Variants in PAXIP1 observed in about 807,000 individuals in gnomAD.
PAXIP1 encodes the protein PAX-interacting protein 1.
Under a neutral mutation model 140.6 loss-of-function variants are expected in PAXIP1, and 19 were observed. That is an observed-to-expected ratio of 0.14 (90% CI 0.09 to 0.20). The LOEUF is 0.20. PAXIP1 is among the 10% of genes least tolerant of loss of function. The pLI is 1.00. For synonymous variants in PAXIP1, 442 were observed against 444.6 expected, an observed-to-expected ratio of 0.99 and a Z score of 0.07; for missense variants, 920 against 1,208.6, an observed-to-expected ratio of 0.76 and a Z score of 3.54.
chr7:154,997,768 G>A (rs765350903), intron 2 of PAXIP1, among the ~76,000 whole-genome samples: 9 of 152,082 alleles, frequency 5.9e-5, no homozygotes, highest in Non-Finnish European at 1.0e-4. Context: ...CACCCCAGAC[G>A]ACCAGTGGGT....
At chr7:154,976,650 A>G (rs185555881) in intron 5 of PAXIP1, among the ~76,000 whole-genome samples, 4 of 152,368 alleles carry the variant, frequency 2.6e-5, no homozygotes, top group East Asian at 1.9e-4. Context: ...GAAAATTATG[A>G]AATGAATAAT....
chr7:154,947,861 T>C (rs1168212343), intron 17 of PAXIP1, 42 bp downstream of exon 17: 1 of 1,380,390 alleles, frequency 7.2e-7, no homozygotes. Context: ...GGTCCGTGTG[T>C]TATGCTTACT....
intron 2 of PAXIP1, among the ~76,000 whole-genome samples, chr7:154,997,320 A>ATAG (rs1810682603): frequency 1.3e-5 from 2 of 152,172 alleles, no homozygotes; most frequent in African/African-American, 4.8e-5. Flanking sequence ...AGGTGTGATC[A>ATAG]CAGTGCATGG....
chr7:154,950,646 T>G (rs896659071), intron 16 of PAXIP1: 2 of 152,166 alleles, frequency 1.3e-5, no homozygotes, highest in Non-Finnish European at 2.9e-5. Context: ...CCAAAAGGAG[T>G]TGAAAACTTA....
rs1274342804 is a variant in PAXIP1 at position 154,986,755 on chromosome 7, C to T, written c.325-3423G>A. On this transcript the variant is annotated intron_variant, in intron 4 of 20. Transcript: ENST00000404141. The surrounding 1 kb of genome is among the most constrained non-coding windows in gnomAD (Gnocchi z 4.8). ...TTAAAAGAAATGCTTTTATTTTACC[C>T]CATGACACACTGGGGATTCCAATTC... is the stretch of plus-strand genomic sequence containing the variant. Among the ~76,000 whole-genome samples the T allele has an allele frequency of 6.6e-6, 1 of 152,132 alleles. No individual in the cohort carries two copies. The highest frequency in any genetic ancestry group is 1.5e-5 in the Non-Finnish European group (1 of 68,026).
chr7:154,963,912 A>T lies in PAXIP1; in HGVS notation c.1894-146T>A. 1.6e-6 allele frequency: 1 copy of T among 635,292 alleles called. No individual in the cohort carries two copies. The highest frequency in any genetic ancestry group is 2.9e-6 in the Non-Finnish European group (1 of 350,202). The allele number at this position is 635,292 out of a possible 1,614,324, so 39.4% of individuals were successfully genotyped here. A position where few individuals can be genotyped will look rare whatever the true frequency, so the allele number is the denominator to read the frequency against. On this transcript the variant is annotated intron_variant, in intron 8 of 20. Coordinates refer to ENST00000404141, the MANE Select transcript of PAXIP1 (RefSeq NM_007349.4). The surrounding 1 kb of genome is among the most constrained non-coding windows in gnomAD (Gnocchi z 4.1). ...AGTATCAAGGACATGTAACAGTTCT[A>T]TTTACGGACTTTTCTACCCAGCACC...
At position 154,963,898 on chromosome 7, in the gene PAXIP1, C is replaced by T; in HGVS notation, c.1894-132G>A. ...ATGTATTTCCTCAAAGTATCAAGGA[C>T]ATGTAACAGTTCTATTTACGGACTT... On this transcript the variant is annotated intron_variant, in intron 8 of 20. Coordinates refer to ENST00000404141, the MANE Select transcript of PAXIP1 (RefSeq NM_007349.4). The surrounding 1 kb of genome is among the most constrained non-coding windows in gnomAD (Gnocchi z 4.1). 1 of 665,146 alleles carries T rather than the reference C, an allele frequency of 1.5e-6. No individual in the cohort carries two copies. 41.2% of individuals were successfully genotyped at this position (665,146 alleles called of 1,614,324 possible).
rs1808838351 is a variant in PAXIP1, at chr7:154,963,112, T to C, written c.1989+559A>G. Among the ~76,000 whole-genome samples the C allele has an allele frequency of 2.0e-5, 3 of 152,196 alleles. No individual in the cohort carries two copies. The South Asian group carries it at 6.2e-4, about 31-fold the overall frequency. ...CAAGTCACACACCAGTACAGAATCC[T>C]GCGTCCCTTCACCGTGCACAGAGAG... On this transcript the variant is annotated intron_variant, in intron 9 of 20. Coordinates refer to ENST00000404141, the MANE Select transcript of PAXIP1 (RefSeq NM_007349.4). This position sits in a 1 kb window ranked among gnomAD's most constrained non-coding sequence, Gnocchi z 4.1.
At chr7:154,974,282 C>A (rs1431007543) in intron 6 of PAXIP1, 3 of 152,182 alleles carry the variant, frequency 2.0e-5, no homozygotes, top group Non-Finnish European at 4.4e-5. Context: ...TCTTAAGGGG[C>A]CTCTCTGCTT....
Position 154,963,783 on chromosome 7 carries a change from G to C in PAXIP1, c.1894-17C>G, listed in dbSNP as rs755754031. On this transcript the variant is annotated splice_polypyrimidine_tract_variant and intron_variant, in intron 8 of 20. Transcript: ENST00000404141. This position sits in a 1 kb window ranked among gnomAD's most constrained non-coding sequence, Gnocchi z 4.1. ...CTGGATTATCTACACACAAAGACCC[G>C]ACCAATGCAGTCATCAATCACTCAG... The C allele has an allele frequency of 1.3e-6, 2 of 1,560,616 alleles. No individual in the cohort carries two copies. Among genetic ancestry groups the C allele is most frequent in the South Asian group, 2.2e-5 (2 of 88,974 alleles).
At chr7:154,995,667 T>C (rs1428916573) in intron 2 of PAXIP1, among the ~76,000 whole-genome samples, 4 of 152,154 alleles carry the variant, frequency 2.6e-5, no homozygotes, top group South Asian at 4.1e-4. Context: ...CTGGCCAACA[T>C]GGTGAAACCC....
rs71534175 is a variant in PAXIP1 at position 154,966,152 on chromosome 7, C to T, written c.1893+1664G>A. 3.0e-3 allele frequency among the ~76,000 whole-genome samples: 461 copies of T among 152,306 alleles called. 2 individuals carry two copies. The highest frequency in any genetic ancestry group is 8.5e-3 in the South Asian group (41 of 4,826). On this transcript the variant is annotated intron_variant, in intron 8 of 20. Transcript: ENST00000404141. ...TTTACCATTAGTCTACAAATATCCTCCTTCCATAGTCTTATGACTGATAGG... is the reference window on the plus strand; with the variant it reads ...TTTACCATTAGTCTACAAATATCCTTCTTCCATAGTCTTATGACTGATAGG...
intron 13 of PAXIP1, among the ~76,000 whole-genome samples, chr7:154,958,093 A>G (rs371453522): frequency 8.5e-5 from 13 of 152,326 alleles, no homozygotes; most frequent in African/African-American, 2.6e-4. Flanking sequence ...GTTACATGAC[A>G]ATCAGATCAA....
intron 6 of PAXIP1, among the ~76,000 whole-genome samples, chr7:154,970,803 A>AG (rs1279662835): frequency 2.0e-5 from 3 of 152,216 alleles, no homozygotes; most frequent in African/African-American, 4.8e-5. Flanking sequence ...GAGGGGTGGG[A>AG]GGGGGGCTGA....
intron 6 of PAXIP1, among the ~76,000 whole-genome samples, chr7:154,972,160 C>T (rs143268725): frequency 6.6e-5 from 10 of 152,282 alleles, no homozygotes; most frequent in African/African-American, 2.2e-4. Context: ...ACTTAAGGAA[C>T]TTTATATTTA....
chr7:154,953,649 T>A (rs890006215), intron 16 of PAXIP1, among the ~76,000 whole-genome samples: 14 of 152,228 alleles, frequency 9.2e-5, no homozygotes, highest in Non-Finnish European at 8.8e-5. Flanking sequence ...CTGCCCTGGC[T>A]ATACAACCTC....
Position 154,976,344 on chromosome 7 carries a change from C to T in PAXIP1, c.439-13G>A. ...ATTCGTATTTCTCCTACGAGGAAAG[C>T]AGAAACACACACAAAACAAAGCTGT... On this transcript the variant is annotated splice_polypyrimidine_tract_variant and intron_variant, in intron 5 of 20. Transcript: ENST00000404141. 6.5e-7 allele frequency: 1 copy of T among 1,547,162 alleles called. No individual in the cohort carries two copies. Among genetic ancestry groups the T allele is most frequent in the Non-Finnish European group, 8.7e-7 (1 of 1,149,198 alleles).
At chr7:155,001,458 G>A (rs748925206) in intron 1 of PAXIP1, 3 of 150,874 alleles carry the variant, frequency 2.0e-5, no homozygotes, top group Non-Finnish European at 4.4e-5. Context: ...ATCGCTCCGT[G>A]TTCAGCAACT....
chr7:154,998,599 C>T, intron 2 of PAXIP1, 51 bp downstream of exon 2: 1 of 1,479,058 alleles, frequency 6.8e-7, no homozygotes, highest in Non-Finnish European at 9.4e-7. Flanking sequence ...CAATGTACTG[C>T]TTGCAAGATA....
Sources: allele counts gnomAD v4.1 joint callset (sites outside exome capture counted in the v4.1 genomes callset), GRCh38; gene constraint gnomAD v4.1.1; non-coding constraint Gnocchi (gnomAD v3.1); transcripts MANE v1.5; gene names NCBI Gene and HGNC (gene_info 2026-07-23, HGNC 2026-07-21).